The following ERCC6L2 variants were observed in gnomAD, a reference collection of about 807,000 sequenced individuals.
ERCC6L2 encodes ERCC excision repair 6 like 2, also known as DNA excision repair protein ERCC-6-like 2.
Under a neutral mutation model 132.0 loss-of-function variants are expected in ERCC6L2, and 77 were observed. The ratio of observed to expected loss-of-function variants is 0.58; its 90% CI spans 0.49 to 0.71. The LOEUF is 0.71. ERCC6L2 is among the 30% of genes least tolerant of loss of function. ERCC6L2 has a pLI of 0.00. For synonymous variants in ERCC6L2, 583 were observed against 632.4 expected (o/e 0.92, Z 1.17); for missense variants, 1,542 against 1,837.6 (o/e 0.84, Z 2.94).
chr9:96,012,089 T>C, intron 18 of ERCC6L2, 136 bp from the exon 19 acceptor site: 2 of 457,966 alleles, frequency 4.4e-6, no homozygotes, highest in Non-Finnish European at 6.6e-6. Context: ...GCGTTTTCAT[T>C]GTGGAATTCA....
chr9:96,029,324 C>CAAAAAAA (rs955836656), intron 19 of ERCC6L2, among the ~76,000 whole-genome samples: 2 of 104,714 alleles, frequency 1.9e-5, no homozygotes, highest in African/African-American at 7.0e-5. Flanking sequence ...AAAAAAAAAA[C>CAAAAAAA]AAAAAAAAAA....
At chr9:96,034,486 G>T (rs1320637940) in intron 19 of ERCC6L2, among the ~76,000 whole-genome samples, 7 of 152,356 alleles carry the variant, frequency 4.6e-5, no homozygotes, top group Non-Finnish European at 1.0e-4. Context: ...GGAGGCTGGT[G>T]TGGAATGACC....
chr9:95,999,607 A>C (rs889818499), intron 17 of ERCC6L2, among the ~76,000 whole-genome samples: 11 of 152,314 alleles, frequency 7.2e-5, no homozygotes, highest in African/African-American at 2.6e-4. Context: ...ATTGCTTGGC[A>C]TGATTTCTCT....
chr9:95,941,624 C>G, intron 12 of ERCC6L2, 75 bp downstream of exon 12: 1 of 1,080,800 alleles, frequency 9.3e-7, no homozygotes, highest in Non-Finnish European at 1.4e-6. Context: ...TTTAAGGTTG[C>G]TTATACTATG....
At chr9:95,930,947 C>G (rs550258844) in intron 11 of ERCC6L2, among the ~76,000 whole-genome samples, 4 of 152,046 alleles carry the variant, frequency 2.6e-5, no homozygotes, top group African/African-American at 9.7e-5. Flanking sequence ...TTCAATAAGC[C>G]CTGTACCAGT....
At chr9:96,021,078 AG>A (rs1291216918), downstream of ERCC6L2, 2 of 442,504 alleles carry the variant, frequency 4.5e-6, no homozygotes, top group Non-Finnish European at 4.5e-6. This position sits in a 1 kb window ranked among gnomAD's most constrained non-coding sequence, Gnocchi z 4.7. Context: ...CGCCGGGCAC[AG>A]GGAGGCCGTT....
intron 19 of ERCC6L2, among the ~76,000 whole-genome samples, chr9:96,034,813 T>C (rs1391410947): frequency 6.6e-6 from 1 of 151,612 alleles, no homozygotes; most frequent in Non-Finnish European, 1.5e-5. Flanking sequence ...GACCCGAGCC[T>C]CTCTGTGCTC....
chr9:95,942,811 T>A (rs1017050123), intron 12 of ERCC6L2, among the ~76,000 whole-genome samples: 4 of 152,010 alleles, frequency 2.6e-5, no homozygotes, highest in African/African-American at 9.7e-5. Flanking sequence ...GAATAATGAC[T>A]GAGAGAGAAA....
At chr9:96,025,338 T>A (rs1834346476) in intron 19 of ERCC6L2, among the ~76,000 whole-genome samples, 1 of 152,192 alleles carries the variant, frequency 6.6e-6, no homozygotes, top group African/African-American at 2.4e-5. Flanking sequence ...GCTCGCCTGG[T>A]GCTTCCAGTG....
intron 17 of ERCC6L2, among the ~76,000 whole-genome samples, chr9:95,987,892 C>G (rs570550849): frequency 6.6e-6 from 1 of 152,236 alleles, no homozygotes; most frequent in African/African-American, 2.4e-5. Flanking sequence ...CCTTTAAAAT[C>G]TAGGTGATGG....
At chr9:95,927,869 C>T (rs1387743697) in intron 9 of ERCC6L2, among the ~76,000 whole-genome samples, 1 of 152,120 alleles carries the variant, frequency 6.6e-6, no homozygotes, top group East Asian at 1.9e-4. Flanking sequence ...AACTTTACCT[C>T]CTTATTGACA....
chr9:95,956,080 A>G, intron 13 of ERCC6L2, 67 bp downstream of exon 13: 2 of 871,870 alleles, frequency 2.3e-6, no homozygotes, highest in Non-Finnish European at 1.7e-6. Flanking sequence ...TTAGGAACAA[A>G]TTTGTGTAAA....
At chr9:95,928,218 A>T (rs1379635764) in intron 10 of ERCC6L2, 68 bp downstream of exon 10, 1 of 1,042,632 alleles carries the variant, frequency 9.6e-7, no homozygotes, top group East Asian at 2.4e-5. Context: ...AATAAAGCAT[A>T]TGCCTACATG....
intron 11 of ERCC6L2, among the ~76,000 whole-genome samples, chr9:95,933,520 C>T (rs1830430408): frequency 6.6e-6 from 1 of 152,044 alleles, no homozygotes; most frequent in Admixed American, 6.6e-5. Flanking sequence ...AATTTTCTCG[C>T]CTGAAAAATC....
chr9:96,006,467 G>A (rs1833866305), intron 18 of ERCC6L2, among the ~76,000 whole-genome samples: 1 of 152,178 alleles, frequency 6.6e-6, no homozygotes, highest in Admixed American at 6.5e-5. Flanking sequence ...GAGGTGGCCG[G>A]TGCTATGAGT....
intron 2 of ERCC6L2, among the ~76,000 whole-genome samples, chr9:95,886,787 A>T (rs890571830): frequency 6.6e-6 from 1 of 152,200 alleles, no homozygotes; most frequent in African/African-American, 2.4e-5. Context: ...AAAGAGATTA[A>T]TATTTGAGTC....
chr9:95,913,209 T>C (rs1202574574), intron 4 of ERCC6L2, among the ~76,000 whole-genome samples: 1 of 152,240 alleles, frequency 6.6e-6, no homozygotes, highest in Non-Finnish European at 1.5e-5. Flanking sequence ...TACTTTATTA[T>C]GTTTGGCAAA....
rs112309778 is a variant in ERCC6L2 at position 95,883,033 on chromosome 9, C to T, written c.471+1740C>T. Among the ~76,000 whole-genome samples the T allele has an allele frequency of 2.9e-3, 439 of 152,258 alleles. 3 individuals are homozygous for T. The highest frequency in any genetic ancestry group is 0.01 in the African/African-American group (427 of 41,552). ...TTTTGGATAAACATAGAAATTGACC[C>T]TTCTGGTCCTAAAGCTTTAAACTTG... On this transcript the variant is annotated intron_variant, in intron 2 of 18. Transcript: ENST00000653738.
At chr9:95,945,490 T>G (rs907879617) in intron 12 of ERCC6L2, among the ~76,000 whole-genome samples, 1 of 152,220 alleles carries the variant, frequency 6.6e-6, no homozygotes, top group Non-Finnish European at 1.5e-5. Flanking sequence ...GATGATGGGA[T>G]TAAGAGATTA....
Sources: gnomAD v4.1 joint callset for allele counts (sites outside exome capture counted in the v4.1 genomes callset) on GRCh38, gnomAD v4.1.1 for gene constraint, Gnocchi (gnomAD v3.1) non-coding constraint, MANE v1.5 for transcripts, NCBI Gene and HGNC (gene_info 2026-07-23, HGNC 2026-07-21) for gene names.